CAP1: variants seen among roughly 807,000 people sequenced by gnomAD.
The protein encoded by CAP1 is adenylyl cyclase-associated protein 1.
In CAP1, 11 loss-of-function variants were observed where a neutral mutation model predicts 58.2. The ratio of observed to expected loss-of-function variants is 0.19; its 90% confidence interval spans 0.12 to 0.31. CAP1 has a LOEUF of 0.31. Ranked by LOEUF, CAP1 falls within the 10% of genes least tolerant of loss-of-function variation. The probability of loss-of-function intolerance (pLI) is 1.00; values close to 1 mark genes in which losing one functional copy is unlikely to be tolerated. For synonymous variants in CAP1, 183 were observed against 213.8 expected (o/e 0.86, Z 1.26); for missense variants, 423 against 587.5 (o/e 0.72, Z 2.89).
chr1:40,067,801 A>G, intron 8 of CAP1, 84 bp downstream of exon 8: 1 of 998,182 alleles, frequency 1.0e-6, no homozygotes, highest in Non-Finnish European at 1.5e-6. Context: ...TGTAAACTAC[A>G]ACCCTGGCTT....
intron 1 of CAP1, among the ~76,000 whole-genome samples, chr1:40,041,746 G>C (rs1167599114): frequency 6.6e-6 from 1 of 152,222 alleles, no homozygotes; most frequent in Non-Finnish European, 1.5e-5. Flanking sequence ...GGAGCTAGCA[G>C]TGTTTGCAGG....
In CAP1 at chr1:40,059,325, C is replaced by A; in HGVS notation, c.-10-12C>A. On this transcript the variant is annotated splice_polypyrimidine_tract_variant and intron_variant, in intron 1 of 12. Transcript: ENST00000372805. Reference sequence around the variant, plus strand: ...ATTTAAATAACAAATGACATTTGATCTGTTTCAGCAGGTGGTCCATTATGG... The same window carrying A: ...ATTTAAATAACAAATGACATTTGATATGTTTCAGCAGGTGGTCCATTATGG... 2.2e-6 allele frequency: 3 copies of A among 1,383,268 alleles called. No homozygotes were observed. The highest frequency in any genetic ancestry group is 3.1e-6 in the Non-Finnish European group (3 of 969,872). The allele number at this position is 1,383,268 out of a possible 1,614,324, so 85.7% of individuals were successfully genotyped here.
At chr1:40,045,373 TG>T (rs1225290724) in intron 1 of CAP1, among the ~76,000 whole-genome samples, 1 of 152,156 alleles carries the variant, frequency 6.6e-6, no homozygotes, top group African/African-American at 2.4e-5. Flanking sequence ...TATCCTACAA[TG>T]AATGAATCAT....
intron 1 of CAP1, among the ~76,000 whole-genome samples, chr1:40,042,713 A>G (rs1160843930): frequency 2.6e-5 from 4 of 152,180 alleles, no homozygotes; most frequent in Non-Finnish European, 5.9e-5. Flanking sequence ...CATTCTGTCA[A>G]GTAGGAGGGG....
At chr1:40,042,831 A>C (rs1645900976) in intron 1 of CAP1, among the ~76,000 whole-genome samples, 1 of 152,160 alleles carries the variant, frequency 6.6e-6, no homozygotes, top group African/African-American at 2.4e-5. Flanking sequence ...GATGTGAGCA[A>C]TATTAAGAAG....
intron 11 of CAP1, 82 bp downstream of exon 11, chr1:40,070,594 G>A: frequency 8.4e-7 from 1 of 1,188,678 alleles, no homozygotes. Flanking sequence ...ATGTTGCTTT[G>A]GTGGGAATCT....
At chr1:40,051,870 GT>G (rs955644281) in intron 1 of CAP1, among the ~76,000 whole-genome samples, 54 of 151,236 alleles carry the variant, frequency 3.6e-4, no homozygotes, top group African/African-American at 1.2e-3. Flanking sequence ...CGCCCAGCCT[GT>G]TTTTTTTTGT....
At chr1:40,060,878 AGT>A (rs1383142622) in intron 3 of CAP1, among the ~76,000 whole-genome samples, 2 of 152,148 alleles carry the variant, frequency 1.3e-5, no homozygotes, top group East Asian at 3.8e-4. Context: ...AGCTCTAGAG[AGT>A]GGGACTGGGA....
intron 1 of CAP1, among the ~76,000 whole-genome samples, chr1:40,050,821 C>G (rs1481758948): frequency 2.0e-5 from 3 of 152,152 alleles, no homozygotes; most frequent in African/African-American, 7.2e-5. Context: ...TTGCTTTCAT[C>G]ATATTATTCT....
intron 1 of CAP1, among the ~76,000 whole-genome samples, chr1:40,054,483 C>T (rs1646526567): frequency 6.6e-6 from 1 of 151,864 alleles, no homozygotes; most frequent in Admixed American, 6.6e-5. Flanking sequence ...GTTTTTAATG[C>T]CTCCTATGTT....
chr1:40,043,128 G>A (rs756388988), intron 1 of CAP1, among the ~76,000 whole-genome samples: 8 of 152,148 alleles, frequency 5.3e-5, no homozygotes, highest in Non-Finnish European at 1.0e-4. Flanking sequence ...AGTGATACTG[G>A]GGCCTGGAGT....
At chr1:40,067,336 G>A (rs980659395) in intron 7 of CAP1, 42 of 468,414 alleles carry the variant, frequency 9.0e-5, no homozygotes, top group Non-Finnish European at 1.4e-4. Context: ...AAAATGTGAT[G>A]GTCAAGAAAT....
At chr1:40,053,128 G>T (rs769314076) in intron 1 of CAP1, among the ~76,000 whole-genome samples, 35 of 152,310 alleles carry the variant, frequency 2.3e-4, no homozygotes, top group African/African-American at 7.9e-4. Flanking sequence ...GGAAGCTGAG[G>T]CAGGAGAATT....
At chr1:40,055,807 C>T (rs1055726658) in intron 1 of CAP1, among the ~76,000 whole-genome samples, 1 of 152,172 alleles carries the variant, frequency 6.6e-6, no homozygotes, top group East Asian at 1.9e-4. Context: ...CTGTGCCCAG[C>T]CAGTATCCTA....
intron 11 of CAP1, 83 bp downstream of exon 11, chr1:40,070,595 G>A: frequency 4.3e-6 from 5 of 1,174,582 alleles, no homozygotes; most frequent in African/African-American, 1.5e-5. Flanking sequence ...TGTTGCTTTG[G>A]TGGGAATCTG....
intron 1 of CAP1, among the ~76,000 whole-genome samples, chr1:40,052,176 A>G (rs974302449): frequency 1.3e-5 from 2 of 152,198 alleles, no homozygotes; most frequent in Admixed American, 6.5e-5. Flanking sequence ...TGTAGTGCTA[A>G]CATTTTACAT....
chr1:40,071,505 T>C lies in CAP1; in HGVS notation c.1400T>C (p.Val467Ala). The part of the protein sequence containing the change: ...FKTLWNGQKL[V>A]TTVTEIAG ...ACCCTATGGAACGGGCAGAAGTTGG[T>C]CACCACAGTGACAGAAATTGCTGGA... is the stretch of plus-strand genomic sequence containing the variant. Residue 467 changes from valine (V) to alanine (A), a missense_variant, in exon 13 of 13, where the codon GTC becomes GCC. Val to Ala is a moderately conservative substitution (Grantham distance 64, BLOSUM62 0). Transcript: ENST00000372805. The C allele has an allele frequency of 6.2e-7, 1 of 1,613,582 alleles. No individual in the cohort carries two copies. Among genetic ancestry groups the C allele is most frequent in the Non-Finnish European group, 8.5e-7 (1 of 1,179,528 alleles).
chr1:40,067,428 C>T (rs1271450291), intron 7 of CAP1, 112 bp from the exon 8 acceptor site: 14 of 890,464 alleles, frequency 1.6e-5, no homozygotes, highest in Admixed American at 1.1e-4. Context: ...TAATCATTGC[C>T]TCAAAGGCTG....
At chr1:40,051,639 G>T (rs1220305748) in intron 1 of CAP1, among the ~76,000 whole-genome samples, 1 of 152,084 alleles carries the variant, frequency 6.6e-6, no homozygotes, top group Admixed American at 6.6e-5. Flanking sequence ...GCAGTGGCGC[G>T]ATCTTGGCTC....
Sources: allele counts gnomAD v4.1 joint callset (sites outside exome capture counted in the v4.1 genomes callset), GRCh38; gene constraint gnomAD v4.1.1; transcripts MANE v1.5; gene names NCBI Gene and HGNC (gene_info 2026-07-23, HGNC 2026-07-21).